The following PCDHA5 variants were observed in gnomAD, a reference collection of about 807,000 sequenced individuals.
PCDHA5 encodes the protein protocadherin alpha-5.
PCDHA5 carries 43 observed loss-of-function variants against 61.6 expected under a neutral mutation model. The ratio of observed to expected loss-of-function variants is 0.70; its 90% CI spans 0.55 to 0.90. The LOEUF (loss-of-function observed/expected upper bound fraction) is 0.90. Ranked by LOEUF, PCDHA5 falls within the 40% of genes least tolerant of loss-of-function variation. The pLI, the probability that PCDHA5 is intolerant of heterozygous loss-of-function variation, is 0.00. For missense variants in PCDHA5, 1,298 were observed against 1,222.7 expected (o/e 1.06, Z -0.92); for synonymous variants, 627 against 543.9 (o/e 1.15, Z -2.13).
At position 140,968,861 on chromosome 5, in the gene PCDHA5, C is replaced by G; in HGVS notation, c.2353-10088C>G. 1.9e-6 allele frequency: 3 copies of G among 1,614,182 alleles called. No homozygotes were observed. In the South Asian group the frequency reaches 3.3e-5, roughly 18 times the overall value. ...CACTCAGAGGCATGTTAAGAGCCCT[C>G]GGACATACTCTGAAATTACCCTTTA... is the stretch of plus-strand genomic sequence containing the variant. On this transcript the variant is annotated intron_variant, in intron 1 of 3. Coordinates refer to ENST00000529859, the MANE Select transcript of PCDHA5 (RefSeq NM_018908.3).
chr5:141,007,437 A>G (rs913587541), intron 3 of PCDHA5, among the ~76,000 whole-genome samples: 2 of 150,734 alleles, frequency 1.3e-5, no homozygotes, highest in Non-Finnish European at 2.9e-5. Context: ...GCATGGTGGC[A>G]TGTGCCTGTA....
At chr5:140,840,654 A>T (rs17119241) in intron 1 of PCDHA5, among the ~76,000 whole-genome samples, 31,454 of 151,946 alleles carry the variant, frequency 0.21, 4,191 homozygotes, top group African/African-American at 0.36. Flanking sequence ...AGTGTAAAGA[A>T]TATGCACATA....
chr5:140,902,734 C>T (rs1345954248), intron 1 of PCDHA5, among the ~76,000 whole-genome samples: 1 of 151,052 alleles, frequency 6.6e-6, no homozygotes, highest in Non-Finnish European at 1.5e-5. Flanking sequence ...CCCTCCAAGT[C>T]CCCCAAATCC....
intron 1 of PCDHA5, among the ~76,000 whole-genome samples, chr5:140,971,892 G>C (rs2096504766): frequency 6.6e-6 from 1 of 151,694 alleles, no homozygotes; most frequent in African/African-American, 2.4e-5. Context: ...AGCTCAGGGA[G>C]GTTAGGTAAT....
At chr5:140,924,715 C>T (rs1258622619) in intron 1 of PCDHA5, among the ~76,000 whole-genome samples, 5 of 151,692 alleles carry the variant, frequency 3.3e-5, no homozygotes, top group African/African-American at 7.3e-5. Context: ...TGCAACATGG[C>T]GAAACCTCAC....
At chr5:140,988,856 C>G (rs1363693153) in intron 3 of PCDHA5, 1 of 152,180 alleles carries the variant, frequency 6.6e-6, no homozygotes, top group African/African-American at 2.4e-5. Context: ...CCTATCCAGT[C>G]TCATGTGCAC....
intron 1 of PCDHA5, among the ~76,000 whole-genome samples, chr5:140,950,750 C>T (rs1320735521): frequency 3.3e-5 from 5 of 151,928 alleles, no homozygotes; most frequent in Non-Finnish European, 7.4e-5. Flanking sequence ...TCTCTCTATC[C>T]TTTCTGGACT....
chr5:140,837,615 C>CCCTTCCTT (rs528339826), intron 1 of PCDHA5, among the ~76,000 whole-genome samples: 3 of 145,806 alleles, frequency 2.1e-5, no homozygotes, highest in Admixed American at 6.9e-5. Context: ...TATAATTTGC[C>CCCTTCCTT]CCTTCCTTCC....
chr5:140,824,164 C>T (rs2150132850), intron 1 of PCDHA5, 37 bp downstream of exon 1: 4 of 1,610,388 alleles, frequency 2.5e-6, no homozygotes, highest in South Asian at 1.1e-5. Flanking sequence ...CTTTCCCTCC[C>T]AATTTTCAAA....
At chr5:140,913,867 T>G (rs1554196087) in intron 1 of PCDHA5, among the ~76,000 whole-genome samples, 2 of 152,234 alleles carry the variant, frequency 1.3e-5, no homozygotes. Flanking sequence ...TTGTTTAATT[T>G]CCATGTGTTC....
intron 1 of PCDHA5, among the ~76,000 whole-genome samples, chr5:140,844,931 A>C (rs1262967576): frequency 6.7e-6 from 1 of 149,362 alleles, no homozygotes; most frequent in Non-Finnish European, 1.5e-5. Flanking sequence ...GAAGGGAATG[A>C]ACGATTTCTG....
intron 1 of PCDHA5, chr5:140,877,765 C>T (rs377126743): frequency 4.3e-6 from 7 of 1,614,176 alleles, no homozygotes; most frequent in Non-Finnish European, 5.1e-6. Context: ...AGAGAGCCCG[C>T]CCAAGACGGA....
intron 1 of PCDHA5, chr5:140,929,687 C>T (rs2086294433): frequency 3.5e-6 from 1 of 288,138 alleles, no homozygotes; most frequent in African/African-American, 2.2e-5. Flanking sequence ...ATGTAAGAGT[C>T]TGCTTTATAT....
chr5:140,949,764 G>A (rs1168507534), intron 1 of PCDHA5, among the ~76,000 whole-genome samples: 2 of 151,746 alleles, frequency 1.3e-5, no homozygotes, highest in African/African-American at 2.4e-5. Flanking sequence ...TCACATTAGT[G>A]TAATATTTGA....
intron 1 of PCDHA5, among the ~76,000 whole-genome samples, chr5:140,978,306 A>C (rs2096795659): frequency 6.6e-6 from 1 of 152,230 alleles, no homozygotes; most frequent in Non-Finnish European, 1.5e-5. Flanking sequence ...GCACTCAGGA[A>C]GGAGCAGGAA....
rs114181547 is a variant in PCDHA5, at chr5:140,916,746, T to C, written c.2353-62203T>C. Among the ~76,000 whole-genome samples, 1,217 of 152,314 alleles carry C rather than the reference T, an allele frequency of 8.0e-3. 6 individuals carry two copies. Among genetic ancestry groups the C allele is most frequent in the African/African-American group, 0.019 (786 of 41,576 alleles). ...TTTTGTTGCTGCAAGCTTCACTGCC[T>C]GGGATTAGGGGAGGGGTGGCACAAG... On this transcript the variant is annotated intron_variant, in intron 1 of 3. Coordinates refer to ENST00000529859, the MANE Select transcript of PCDHA5 (RefSeq NM_018908.3).
At chr5:140,989,656 A>T (rs2153884121) in intron 3 of PCDHA5, among the ~76,000 whole-genome samples, 1 of 152,326 alleles carries the variant, frequency 6.6e-6, no homozygotes, top group Non-Finnish European at 1.5e-5. Context: ...GCAATATTTT[A>T]AAAGAAACTC....
At position 140,822,534 on chromosome 5, in the gene PCDHA5, T is replaced by G. The variant is rs2150117075; in HGVS notation, c.759T>G (p.Asn253Lys). The change falls in exon 1 of 4, where the codon AAT becomes AAG. Residue 253 changes from asparagine to lysine, a missense_variant. Physicochemically the swap from Asn to Lys is moderately conservative, Grantham distance 94. Transcript: ENST00000529859. ...KSIYNVRLLE[N>K]APSGTLVIKL... is the part of the protein sequence containing the mutation. ...TTTATAATGTCAGATTGTTGGAAAA[T>G]GCACCAAGTGGGACATTAGTTATTA... 1 of 1,613,922 alleles carries G rather than the reference T, an allele frequency of 6.2e-7. No individual in the cohort carries two copies. Among genetic ancestry groups the G allele is most frequent in the Non-Finnish European group, 8.5e-7 (1 of 1,180,008 alleles).
chr5:140,875,751 G>A lies in PCDHA5; in HGVS notation c.2352+51624G>A, dbSNP rs781862261. On this transcript the variant is annotated intron_variant, in intron 1 of 3. Transcript: ENST00000529859. ...TTGTGAATTCTCGGATCGACCGCGA[G>A]AAGCTGTGCGGGCGGAGCGCGGAGT... 1.9e-6 allele frequency: 3 copies of A among 1,614,278 alleles called. No individual in the cohort carries two copies. In the South Asian group the frequency reaches 3.3e-5, roughly 18 times the overall value.
Sources: allele counts gnomAD v4.1 joint callset (sites outside exome capture counted in the v4.1 genomes callset), GRCh38; gene constraint gnomAD v4.1.1; transcripts MANE v1.5; gene names NCBI Gene and HGNC (gene_info 2026-07-23, HGNC 2026-07-21).